PTPRG: variants seen among roughly 807,000 people sequenced by gnomAD.
The protein encoded by PTPRG is receptor-type tyrosine-protein phosphatase gamma.
Under a neutral mutation model 165.3 loss-of-function variants are expected in PTPRG, and 102 were observed. The ratio of observed to expected loss-of-function variants is 0.62; its 90% CI spans 0.53 to 0.73. The LOEUF (loss-of-function observed/expected upper bound fraction) is 0.73. PTPRG is among the 30% of genes least tolerant of loss of function. The probability of loss-of-function intolerance (pLI) is 0.00; values close to 1 mark genes in which losing one functional copy is unlikely to be tolerated. For missense variants in PTPRG, 1,866 were observed against 1,861.4 expected (o/e 1.00, Z -0.05); for synonymous variants, 675 against 669.5 (o/e 1.01, Z -0.13).
chr3:61,740,549 T>A (rs900610602), intron 1 of PTPRG, among the ~76,000 whole-genome samples: 31 of 152,190 alleles, frequency 2.0e-4, no homozygotes, highest in Admixed American at 1.9e-3. Context: ...TATTTTTTTT[T>A]AATAGATTCT....
At position 62,255,076 on chromosome 3, in the gene PTPRG, T is replaced by C. The variant is rs1241470858; in HGVS notation, c.2468-48T>C. The C allele has an allele frequency of 4.0e-6, 6 of 1,507,994 alleles. No individual in the cohort carries two copies. Among genetic ancestry groups the C allele is most frequent in the Non-Finnish European group, 5.5e-6 (6 of 1,097,242 alleles). 93.4% of individuals were successfully genotyped at this position (1,507,994 alleles called of 1,614,324 possible). A position where few individuals can be genotyped will look rare whatever the true frequency, so the allele number is the denominator to read the frequency against. ...CTTTGCTTTATCAGTGTAATTTGTTTTATGGAAGTATTCTATGTAACTTTG... is the reference window on the plus strand; with the variant it reads ...CTTTGCTTTATCAGTGTAATTTGTTCTATGGAAGTATTCTATGTAACTTTG... On this transcript the variant is annotated intron_variant, in intron 15 of 29. Coordinates refer to ENST00000474889, the MANE Select transcript of PTPRG (RefSeq NM_002841.4). This position sits in a 1 kb window ranked among gnomAD's most constrained non-coding sequence, Gnocchi z 4.0.
At position 62,081,264 on chromosome 3, in the gene PTPRG, ACAAAC is replaced by A. The variant is rs1559785983; in HGVS notation, c.615+3007_615+3011del. Among the ~76,000 whole-genome samples, 18 of 135,630 alleles carry A rather than the reference ACAAAC, an allele frequency of 1.3e-4. 2 individuals carry two copies. The highest frequency in any genetic ancestry group is 3.9e-4 in the African/African-American group (14 of 36,190). The allele number at this position is 135,630 out of a possible 152,430, so 89.0% of individuals were successfully genotyped here. ...AGAGTGAGACTCCGTCTCAAAACAA[ACAAAC>A]AAACAAACAAACAAACAAACAAACA... On this transcript the variant is annotated intron_variant, in intron 5 of 29. Coordinates refer to ENST00000474889, the MANE Select transcript of PTPRG (RefSeq NM_002841.4).
chr3:62,180,754 C>T (rs1457142460), intron 8 of PTPRG, among the ~76,000 whole-genome samples: 1 of 152,148 alleles, frequency 6.6e-6, no homozygotes, highest in Non-Finnish European at 1.5e-5. Context: ...AGGACATGGA[C>T]ACCTCCCATG....
intron 4 of PTPRG, among the ~76,000 whole-genome samples, chr3:62,043,119 C>T (rs917010465): frequency 1.3e-5 from 2 of 152,112 alleles, no homozygotes; most frequent in African/African-American, 4.8e-5. Flanking sequence ...AGACAGAAGG[C>T]ATGAGAAAGG....
intron 2 of PTPRG, among the ~76,000 whole-genome samples, chr3:61,836,275 A>G (rs1363650664): frequency 2.0e-5 from 3 of 151,982 alleles, no homozygotes; most frequent in South Asian, 4.2e-4. Flanking sequence ...CTGTTCATCC[A>G]CTACCCTCTG....
chr3:61,926,220 A>G (rs1210383097), intron 2 of PTPRG, among the ~76,000 whole-genome samples: 1 of 152,066 alleles, frequency 6.6e-6, no homozygotes, highest in Non-Finnish European at 1.5e-5. Context: ...GTCTCCCCCC[A>G]GATCTCATGT....
At chr3:61,632,313 G>A (rs553007478) in intron 1 of PTPRG, among the ~76,000 whole-genome samples, 46 of 100,738 alleles carry the variant, frequency 4.6e-4, no homozygotes, top group South Asian at 3.3e-3. Flanking sequence ...TGTTACACAC[G>A]CACATACACA....
In PTPRG at chr3:61,777,853, C is replaced by G. The variant is rs370050277; in HGVS notation, c.190+28871C>G. Among the ~76,000 whole-genome samples the G allele has an allele frequency of 1.1e-4, 16 of 152,274 alleles. No individual in the cohort carries two copies. The South Asian group carries it at 1.9e-3, about 18-fold the overall frequency. On this transcript the variant is annotated intron_variant, in intron 2 of 29. Coordinates refer to ENST00000474889, the MANE Select transcript of PTPRG (RefSeq NM_002841.4). ...TATTTTTATTCTGAAGAAAGTCTCC[C>G]ATAATAAAAGACAGAGTGAAGTCCT...
At chr3:61,572,702 G>A (rs1032198999) in intron 1 of PTPRG, among the ~76,000 whole-genome samples, 1 of 152,098 alleles carries the variant, frequency 6.6e-6, no homozygotes, top group African/African-American at 2.4e-5. Context: ...TGAAAGTGGG[G>A]TTACTCTTGA....
chr3:61,970,509 A>G lies in PTPRG; in HGVS notation c.191-19116A>G, dbSNP rs202106885. Among the ~76,000 whole-genome samples, 14 of 152,344 alleles carry G rather than the reference A, an allele frequency of 9.2e-5. No individual in the cohort carries two copies. The East Asian group carries it at 2.7e-3, about 29-fold the overall frequency. On this transcript the variant is annotated intron_variant, in intron 2 of 29. Transcript: ENST00000474889. ...ATAAGTAATACTTGACAAATATTCA[A>G]TATGTGTTTTGCTTTGAGATTTTAG... is the stretch of plus-strand genomic sequence containing the variant.
At chr3:61,927,410 T>C (rs536373511) in intron 2 of PTPRG, among the ~76,000 whole-genome samples, 8 of 152,280 alleles carry the variant, frequency 5.3e-5, no homozygotes, top group African/African-American at 1.7e-4. Flanking sequence ...CTGTTTTGAG[T>C]TAACTGTGGA....
intron 2 of PTPRG, among the ~76,000 whole-genome samples, chr3:61,964,682 C>T (rs1470172383): frequency 6.6e-6 from 1 of 152,034 alleles, no homozygotes; most frequent in Non-Finnish European, 1.5e-5. Context: ...CCACTTTTTT[C>T]CACTCTTTAT....
intron 7 of PTPRG, among the ~76,000 whole-genome samples, chr3:62,160,323 C>T (rs775547293): frequency 8.1e-4 from 123 of 152,334 alleles, no homozygotes; most frequent in Non-Finnish European, 9.8e-4. Flanking sequence ...TTCAAGTCAG[C>T]CCTGCCAGCC....
At chr3:62,152,876 G>A (rs1030189225) in intron 6 of PTPRG, among the ~76,000 whole-genome samples, 5 of 152,124 alleles carry the variant, frequency 3.3e-5, no homozygotes, top group Non-Finnish European at 5.9e-5. Context: ...AATAGGGGCA[G>A]GCAGAATATG....
In PTPRG at chr3:61,562,118, G is replaced by C. The variant is rs1159035495; in HGVS notation, c.-170G>C. On this transcript the variant is annotated 5_prime_UTR_variant, in exon 1 of 30. Transcript: ENST00000474889. ...CACTTTTTGAGATTTTCCGGGGGGC[G>C]CTCGGCGGCTTCCCGGATTCCAAGG... 3.7e-5 allele frequency: 21 copies of C among 569,686 alleles called. No individual in the cohort carries two copies. Among genetic ancestry groups the C allele is most frequent in the Non-Finnish European group, 6.3e-6 (2 of 319,922 alleles). The allele number at this position is 569,686 out of a possible 1,614,324, so 35.3% of individuals were successfully genotyped here.
At chr3:61,648,947 C>G (rs1286210694) in intron 1 of PTPRG, among the ~76,000 whole-genome samples, 1 of 151,978 alleles carries the variant, frequency 6.6e-6, no homozygotes, top group East Asian at 1.9e-4. Flanking sequence ...TCAGGAAATC[C>G]AAAAGTGAAG....
chr3:62,213,594 A>G lies in PTPRG; in HGVS notation c.2156-5257A>G, dbSNP rs1481331416. Among the ~76,000 whole-genome samples, 2 of 152,072 alleles carry G rather than the reference A, an allele frequency of 1.3e-5. No homozygotes were observed. The highest frequency in any genetic ancestry group is 4.8e-5 in the African/African-American group (2 of 41,380). On this transcript the variant is annotated intron_variant, in intron 12 of 29. Coordinates refer to ENST00000474889, the MANE Select transcript of PTPRG (RefSeq NM_002841.4). The surrounding 1 kb of genome is among the most constrained non-coding windows in gnomAD (Gnocchi z 4.4). ...GAGATGGGCATTTACCCAAAGCCACACAGCTGGAAAGGCCTAAGTCAAAAT... is the reference window on the plus strand; with the variant it reads ...GAGATGGGCATTTACCCAAAGCCACGCAGCTGGAAAGGCCTAAGTCAAAAT...
chr3:61,997,408 A>G (rs543270039), intron 3 of PTPRG, among the ~76,000 whole-genome samples: 1 of 152,064 alleles, frequency 6.6e-6, no homozygotes, highest in African/African-American at 2.4e-5. Flanking sequence ...TCCGTGCCTC[A>G]TGCTCTGTCC....
intron 2 of PTPRG, among the ~76,000 whole-genome samples, chr3:61,915,321 T>C (rs1307110683): frequency 6.6e-6 from 1 of 152,230 alleles, no homozygotes; most frequent in Non-Finnish European, 1.5e-5. Flanking sequence ...CATTTCCTTT[T>C]CTTTGCATGT....
Sources: gnomAD v4.1 joint callset for allele counts (sites outside exome capture counted in the v4.1 genomes callset) on GRCh38, gnomAD v4.1.1 for gene constraint, Gnocchi (gnomAD v3.1) non-coding constraint, MANE v1.5 for transcripts, NCBI Gene and HGNC (gene_info 2026-07-23, HGNC 2026-07-21) for gene names.